ENTPD1: variants seen among roughly 807,000 people sequenced by gnomAD.
ENTPD1 encodes ATP diphosphohydrolase.
A neutral mutation model predicts 57.0 loss-of-function variants in ENTPD1; 33 were observed. The ratio of observed to expected loss-of-function variants is 0.58; its 90% CI spans 0.44 to 0.77. The LOEUF is 0.77. Ranked by LOEUF, ENTPD1 falls within the 30% of genes least tolerant of loss-of-function variation. The probability of loss-of-function intolerance (pLI) is 0.00; values close to 1 mark genes in which losing one functional copy is unlikely to be tolerated. For synonymous variants in ENTPD1, 202 were observed against 218.8 expected, an observed-to-expected ratio of 0.92 and a Z score of 0.68; for missense variants, 501 against 603.4, an observed-to-expected ratio of 0.83 and a Z score of 1.78.
intron 1 of ENTPD1, among the ~76,000 whole-genome samples, chr10:95,780,706 G>T (rs1313073087): frequency 6.6e-6 from 1 of 152,222 alleles, no homozygotes; most frequent in Non-Finnish European, 1.5e-5. Context: ...TCCAGGTCAT[G>T]ACTGTATTCA....
Position 95,823,332 on chromosome 10 carries a change from A to G in ENTPD1, c.112A>G (p.Thr38Ala). The G allele has an allele frequency of 6.2e-7, 1 of 1,614,152 alleles. No homozygotes were observed. The highest frequency in any genetic ancestry group is 8.5e-7 in the Non-Finnish European group (1 of 1,180,004). ...AVIALLAVGL[T>A]QNKALPENVK... ...GATAGCTTTGCTTGCTGTGGGGTTG[A>G]CCCAGAACAAAGCATTGCCAGAAAA... The change falls in exon 2 of 10, where the codon ACC becomes GCC. Residue 38 changes from threonine (T) to alanine (A), a missense_variant. Thr to Ala is a moderately conservative substitution (Grantham distance 58, BLOSUM62 0). Transcript: ENST00000371205.
intron 1 of ENTPD1, among the ~76,000 whole-genome samples, chr10:95,811,892 C>T (rs1302601648): frequency 1.3e-5 from 2 of 152,190 alleles, no homozygotes; most frequent in East Asian, 1.9e-4. Context: ...GCTGTCTATG[C>T]ACCATTTTTT....
the ENTPD1 span, among the ~76,000 whole-genome samples, chr10:95,698,242 GATTA>G: frequency 6.6e-6 from 1 of 152,218 alleles, no homozygotes. Flanking sequence ...CCAAACTTGA[GATTA>G]ATGAACTAGG....
At chr10:95,809,395 C>T (rs1477420186) in intron 1 of ENTPD1, among the ~76,000 whole-genome samples, 5 of 149,804 alleles carry the variant, frequency 3.3e-5, no homozygotes, top group African/African-American at 1.2e-4. Context: ...CCCCCCACCC[C>T]CCAGACGGGG....
chr10:95,782,785 A>G (rs1286395654), intron 1 of ENTPD1, among the ~76,000 whole-genome samples: 2 of 152,060 alleles, frequency 1.3e-5, no homozygotes, highest in African/African-American at 2.4e-5. Flanking sequence ...CTATTTTTGA[A>G]TTGATTCTCT....
chr10:95,719,450 GGCAGAA>G (rs2097975110), intron 1 of ENTPD1, among the ~76,000 whole-genome samples: 1 of 152,106 alleles, frequency 6.6e-6, no homozygotes, highest in South Asian at 2.1e-4. Context: ...ATCCATATTT[GGCAGAA>G]GCGTGTTATG....
intron 1 of ENTPD1, among the ~76,000 whole-genome samples, chr10:95,811,479 G>A (rs1263034592): frequency 2.0e-5 from 3 of 151,958 alleles, no homozygotes; most frequent in East Asian, 3.9e-4. Flanking sequence ...TAGAACTCTC[G>A]AGCTCAAGCA....
intron 7 of ENTPD1, among the ~76,000 whole-genome samples, chr10:95,848,036 A>C (rs1184203910): frequency 6.6e-6 from 1 of 151,976 alleles, no homozygotes; most frequent in Admixed American, 6.5e-5. Flanking sequence ...GGAATGGGGG[A>C]GGTCCCAAAG....
rs771196736 is a variant in ENTPD1, at chr10:95,845,346, C to T, written c.574-11C>T. On this transcript the variant is annotated splice_polypyrimidine_tract_variant and intron_variant, in intron 5 of 9. Transcript: ENST00000371205. ...GAGACTTCTAGCACTGGTAACTGTA[C>T]TGTCTTTCAGAAAACAAGGTGGTTC... The T allele has an allele frequency of 6.2e-6, 10 of 1,614,024 alleles. No individual in the cohort carries two copies. Among genetic ancestry groups the T allele is most frequent in the African/African-American group, 2.7e-5 (2 of 74,928 alleles).
At chr10:95,696,908 TC>T in the ENTPD1 span, among the ~76,000 whole-genome samples, 1 of 151,996 alleles carries the variant, frequency 6.6e-6, no homozygotes, top group African/African-American at 2.4e-5. Flanking sequence ...TTCCCACTTC[TC>T]CCCCCTTTTC....
chr10:95,761,076 C>T (rs930516023), intron 1 of ENTPD1, among the ~76,000 whole-genome samples: 37 of 152,134 alleles, frequency 2.4e-4, no homozygotes, highest in African/African-American at 7.9e-4. Context: ...ATGATCCGCC[C>T]GTCTCGGCCT....
chr10:95,840,613 A>G (rs571300376), intron 3 of ENTPD1, among the ~76,000 whole-genome samples: 28 of 152,372 alleles, frequency 1.8e-4, no homozygotes, highest in African/African-American at 6.7e-4. Flanking sequence ...GCAACAGAAT[A>G]GAGACAAGAA....
Position 95,839,732 on chromosome 10 carries a change from A to G in ENTPD1, c.186A>G (p.Leu62=), listed in dbSNP as rs2098418595. The G allele has an allele frequency of 6.2e-7, 1 of 1,614,080 alleles. No homozygotes were observed. The change falls in exon 3 of 10, where the codon TTA becomes TTG. Residue 62 remains leucine (L), a synonymous_variant. Coordinates refer to ENST00000371205, the MANE Select transcript of ENTPD1 (RefSeq NM_001776.6). ...ATGCGGGTTCTTCTCACACAAGTTTATACATCTATAAGTGGCCAGCAGAAA... is the reference window on the plus strand; with the variant it reads ...ATGCGGGTTCTTCTCACACAAGTTTGTACATCTATAAGTGGCCAGCAGAAA... ...VLDAGSSHTS[L]YIYKWPAEKE...
chr10:95,774,915 C>T (rs1198269602), intron 1 of ENTPD1, among the ~76,000 whole-genome samples: 5 of 152,138 alleles, frequency 3.3e-5, no homozygotes, highest in African/African-American at 9.7e-5. Context: ...TACAAATTAC[C>T]TTGGGCAGTA....
At chr10:95,743,655 G>A (rs1236943774) in intron 1 of ENTPD1, among the ~76,000 whole-genome samples, 2 of 151,652 alleles carry the variant, frequency 1.3e-5, no homozygotes, top group Admixed American at 1.3e-4. Context: ...TTTATACTTT[G>A]GATTATCTTT....
intron 1 of ENTPD1, among the ~76,000 whole-genome samples, chr10:95,810,613 C>T (rs1486856358): frequency 2.0e-5 from 3 of 152,242 alleles, no homozygotes; most frequent in East Asian, 1.9e-4. Flanking sequence ...ACCATATTCA[C>T]ATATTCCTTC....
chr10:95,813,558 G>T (rs546658195), intron 1 of ENTPD1, among the ~76,000 whole-genome samples: 4 of 152,244 alleles, frequency 2.6e-5, no homozygotes, highest in South Asian at 4.1e-4. Flanking sequence ...GCTGGTTTCT[G>T]TTAGGCCCTT....
chr10:95,869,972 A>G lies in ENTPD1; in HGVS notation c.*3589A>G. 1.0e-6 allele frequency: 1 copy of G among 985,430 alleles called. No individual in the cohort carries two copies. The highest frequency in any genetic ancestry group is 1.2e-6 in the Non-Finnish European group (1 of 829,898). The allele number at this position is 985,430 out of a possible 1,614,324, so 61.0% of individuals were successfully genotyped here. ...AGCACATGTCCAAAAAAATACACGTAAAGTTAAAGTTTAAAAGACACAGGA... is the reference window on the plus strand; with the variant it reads ...AGCACATGTCCAAAAAAATACACGTGAAGTTAAAGTTTAAAAGACACAGGA... On this transcript the variant is annotated 3_prime_UTR_variant, in exon 10 of 10. Transcript: ENST00000371205.
rs1164995194 is a variant in ENTPD1 at position 95,867,750 on chromosome 10, C to G, written c.*1367C>G. ...GTGATGTTTCATTCTGACCTTGTCC[C>G]AAGCTCTCCATCTCTAGATCTGGGG... On this transcript the variant is annotated 3_prime_UTR_variant, in exon 10 of 10. Coordinates refer to ENST00000371205, the MANE Select transcript of ENTPD1 (RefSeq NM_001776.6). 1.0e-6 allele frequency: 1 copy of G among 985,430 alleles called. No individual in the cohort carries two copies. Among genetic ancestry groups the G allele is most frequent in the African/African-American group, 1.7e-5 (1 of 57,368 alleles). The allele number at this position is 985,430 out of a possible 1,614,324, so 61.0% of individuals were successfully genotyped here.
Sources: gnomAD v4.1 joint callset for allele counts (sites outside exome capture counted in the v4.1 genomes callset) on GRCh38, gnomAD v4.1.1 for gene constraint, MANE v1.5 for transcripts, NCBI Gene and HGNC (gene_info 2026-07-23, HGNC 2026-07-21) for gene names.